The following CDX2 variants were observed in gnomAD, a reference collection of about 807,000 sequenced individuals.
CDX2 encodes the protein caudal type homeobox 2.
Under a neutral mutation model 25.5 loss-of-function variants are expected in CDX2, and 7 were observed. That is an observed-to-expected ratio of 0.27 (90% CI 0.16 to 0.52). The LOEUF (loss-of-function observed/expected upper bound fraction) is 0.52. Ranked by LOEUF, CDX2 falls within the 20% of genes least tolerant of loss-of-function variation. CDX2 has a pLI of 0.97. For missense variants in CDX2, 375 were observed against 431.4 expected (o/e 0.87, Z 1.16); for synonymous variants, 222 against 198.6 (o/e 1.12, Z -0.99).
At chr13:27,966,769 T>C (rs552347923) in intron 1 of CDX2, among the ~76,000 whole-genome samples, 1 of 152,266 alleles carries the variant, frequency 6.6e-6, no homozygotes, top group Admixed American at 6.5e-5. Context: ...GAATTCATTA[T>C]TGACTGCGAA....
rs55820742 is a variant in CDX2 at position 27,964,708 on chromosome 13, TAAAAAAAAAAAA to T, written c.687+150_687+161del. On this transcript the variant is annotated intron_variant, in intron 2 of 2. Coordinates refer to ENST00000381020, the MANE Select transcript of CDX2 (RefSeq NM_001265.6). This position sits in a 1 kb window ranked among gnomAD's most constrained non-coding sequence, Gnocchi z 4.7. ...CACAAAGCAAGACCCCATCTCTGTT[TAAAAAAAAAAAA>T]AAAAAAAAAAAGGACTCCAAAGACG... Among the ~76,000 whole-genome samples the T allele has an allele frequency of 7.1e-5, 9 of 127,088 alleles. No individual in the cohort carries two copies. Among genetic ancestry groups the T allele is most frequent in the African/African-American group, 2.5e-4 (9 of 35,434 alleles). The allele number at this position is 127,088 out of a possible 152,430, so 83.4% of individuals were successfully genotyped here.
Position 27,962,327 on chromosome 13 carries a change from C to G in CDX2, c.*788G>C, listed in dbSNP as rs1177133859. The G allele has an allele frequency of 4.3e-6, 1 of 233,508 alleles. No individual in the cohort carries two copies. The highest frequency in any genetic ancestry group is 8.5e-6 in the Non-Finnish European group (1 of 118,086). 14.5% of individuals were successfully genotyped at this position (233,508 alleles called of 1,614,324 possible). A position where few individuals can be genotyped will look rare whatever the true frequency, so the allele number is the denominator to read the frequency against. ...ACAACAACACAAACTCCCCCCACCC[C>G]CTTCTTCATCAGCCCCAAGATTGTG... On this transcript the variant is annotated 3_prime_UTR_variant, in exon 3 of 3. Coordinates refer to ENST00000381020, the MANE Select transcript of CDX2 (RefSeq NM_001265.6).
rs55820742 is a variant in CDX2 at position 27,964,708 on chromosome 13, TAAAAAAA to T, written c.687+155_687+161del. Among the ~76,000 whole-genome samples the T allele has an allele frequency of 2.4e-5, 3 of 127,084 alleles. No individual in the cohort carries two copies. Among genetic ancestry groups the T allele is most frequent in the Non-Finnish European group, 3.3e-5 (2 of 61,292 alleles). 83.4% of individuals were successfully genotyped at this position (127,084 alleles called of 152,430 possible). ...CACAAAGCAAGACCCCATCTCTGTT[TAAAAAAA>T]AAAAAAAAAAAAAAAAGGACTCCAA... On this transcript the variant is annotated intron_variant, in intron 2 of 2. Coordinates refer to ENST00000381020, the MANE Select transcript of CDX2 (RefSeq NM_001265.6). This position sits in a 1 kb window ranked among gnomAD's most constrained non-coding sequence, Gnocchi z 4.7.
chr13:27,969,020 C>A lies in CDX2; in HGVS notation c.-14G>T. The A allele has an allele frequency of 1.9e-6, 3 of 1,583,748 alleles. No individual in the cohort carries two copies. The highest frequency in any genetic ancestry group is 2.6e-6 in the Non-Finnish European group (3 of 1,169,352). On this transcript the variant is annotated 5_prime_UTR_variant, in exon 1 of 3. It introduces an in-frame stop codon into an upstream open reading frame of the 5' UTR. Coordinates refer to ENST00000381020, the MANE Select transcript of CDX2 (RefSeq NM_001265.6). ...GCTCACGTACATGGTGGCGAGGGTC[C>A]GGGAGCAGACCTCACCATGCTGCCT...
intron 1 of CDX2, chr13:27,967,340 C>G (rs1017281156): frequency 1.3e-5 from 7 of 520,918 alleles, no homozygotes; most frequent in African/African-American, 1.3e-4. Flanking sequence ...ACGCAGAAAC[C>G]GATGCCCAGA....
At chr13:27,965,535 C>A (rs1215274036) in intron 1 of CDX2, among the ~76,000 whole-genome samples, 1 of 152,186 alleles carries the variant, frequency 6.6e-6, no homozygotes, top group Non-Finnish European at 1.5e-5. Flanking sequence ...CCAGAATCAT[C>A]CCCCAGACAC....
chr13:27,967,706 G>A (rs1425256295), intron 1 of CDX2, among the ~76,000 whole-genome samples: 1 of 152,206 alleles, frequency 6.6e-6, no homozygotes, highest in Non-Finnish European at 1.5e-5. Context: ...TGGAGCGGCG[G>A]CTTAATTCCC....
Position 27,963,229 on chromosome 13 carries a change from T to A in CDX2, c.828A>T (p.Arg276Ser). 1.9e-6 allele frequency: 3 copies of A among 1,614,178 alleles called. No individual in the cohort carries two copies. The highest frequency in any genetic ancestry group is 2.5e-6 in the Non-Finnish European group (3 of 1,180,044). ...QPPQPQPGPL[R>S]SVPEPLSPVS... ...CCGGACTCAAGGGCTCTGGGACACT[T>A]CTCAGAGGACCTGGCTGAGGCTGGG... The change falls in exon 3 of 3, where the codon AGA (arginine) becomes AGT (serine). Residue 276 changes from arginine to serine, a missense_variant. Coordinates refer to ENST00000381020, the MANE Select transcript of CDX2 (RefSeq NM_001265.6).
chr13:27,962,999 T>C lies in CDX2; in HGVS notation c.*116A>G. On this transcript the variant is annotated 3_prime_UTR_variant, in exon 3 of 3. Coordinates refer to ENST00000381020, the MANE Select transcript of CDX2 (RefSeq NM_001265.6). ...TCCCATTTTTCCTCTGAGAGCCAGG[T>C]CTGTAGGTCTATGGCTGTGGGTGGG... is the stretch of plus-strand genomic sequence containing the variant. 1 of 1,283,462 alleles carries C rather than the reference T, an allele frequency of 7.8e-7. No individual in the cohort carries two copies. The highest frequency in any genetic ancestry group is 1.0e-6 in the Non-Finnish European group (1 of 980,736). The allele number at this position is 1,283,462 out of a possible 1,614,324, so 79.5% of individuals were successfully genotyped here.
At position 27,968,845 on chromosome 13, in the gene CDX2, G is replaced by C; in HGVS notation, c.162C>G (p.Asn54Lys). 6.3e-7 allele frequency: 1 copy of C among 1,585,794 alleles called. No homozygotes were observed. Among genetic ancestry groups the C allele is most frequent in the Non-Finnish European group, 8.6e-7 (1 of 1,168,548 alleles). ...HVAAAAAAAA[N>K]LDSAQSPGPS... ...GCCCCGGGGACTGCGCGCTGTCCAA[G>C]TTCGCTGCCGCTGCAGCTGCGGCCG... Residue 54 changes from asparagine (N) to lysine (K), a missense_variant, in exon 1 of 3, where the codon AAC (asparagine) becomes AAG (lysine). By Grantham distance (94) the Asn-to-Lys change is moderately conservative (BLOSUM62 0). Around this residue, in one of 3 missense-constraint regions of CDX2, gnomAD observed 253 missense variants for 247.5 expected, o/e 1.02. Transcript: ENST00000381020.
Position 27,968,772 on chromosome 13 carries a change from C to T in CDX2, c.235G>A (p.Gly79Ser). ...YGAPLREDWN[G>S]YAPGGAAAAA... The stretch of plus-strand genomic sequence containing the variant: ...GCCGCGGCGCCTCCGGGCGCGTAGC[C>T]ATTCCAGTCCTCCCGGAGTGGGGCG... The change falls in exon 1 of 3, where the codon GGC (glycine) becomes AGC (serine). Residue 79 changes from glycine to serine, a missense_variant. Physicochemically the swap from Gly to Ser is moderately conservative, Grantham distance 56. This residue lies in a region of CDX2 where 253 missense variants were observed against 247.5 expected (regional missense o/e 1.02). Transcript: ENST00000381020. 1 of 1,510,776 alleles carries T rather than the reference C, an allele frequency of 6.6e-7. No individual in the cohort carries two copies. Among genetic ancestry groups the T allele is most frequent in the Non-Finnish European group, 8.8e-7 (1 of 1,135,076 alleles). The allele number at this position is 1,510,776 out of a possible 1,614,324, so 93.6% of individuals were successfully genotyped here. A position where few individuals can be genotyped will look rare whatever the true frequency, so the allele number is the denominator to read the frequency against.
intron 1 of CDX2, chr13:27,967,130 C>G (rs1178114600): frequency 2.6e-6 from 1 of 382,022 alleles, no homozygotes; most frequent in Non-Finnish European, 5.1e-6. Context: ...GTGCGCCACC[C>G]CCGCCAACCG....
chr13:27,967,804 A>G (rs1869409900), intron 1 of CDX2, among the ~76,000 whole-genome samples: 1 of 152,050 alleles, frequency 6.6e-6, no homozygotes, highest in Non-Finnish European at 1.5e-5. Flanking sequence ...TTTGCTTGAA[A>G]TGACCCCTTC....
At position 27,963,157 on chromosome 13, in the gene CDX2, C is replaced by A. The variant is rs2137534330; in HGVS notation, c.900G>T (p.Leu300=). 1 of 1,614,112 alleles carries A rather than the reference C, an allele frequency of 6.2e-7. No homozygotes were observed. Among genetic ancestry groups the A allele is most frequent in the South Asian group, 1.1e-5 (1 of 91,088 alleles). The part of the protein sequence containing the change: ...ASVPGSVPGV[L]GPTGGVLNPT... Reference sequence around the variant, plus strand: ...GGTTTAGCACCCCCCCAGTTGGCCCCAGAACCCCAGGGACAGAGCCAGGCA... The same window carrying A: ...GGTTTAGCACCCCCCCAGTTGGCCCAAGAACCCCAGGGACAGAGCCAGGCA... The change falls in exon 3 of 3, where the codon CTG becomes CTT. Residue 300 remains leucine (L), a synonymous_variant. Transcript: ENST00000381020.
Position 27,969,104 on chromosome 13 carries a change from G to A in CDX2, c.-98C>T, listed in dbSNP as rs1869507495. 15 of 908,704 alleles carry A rather than the reference G, an allele frequency of 1.7e-5. No individual in the cohort carries two copies. The highest frequency in any genetic ancestry group is 1.7e-5 in the African/African-American group (1 of 57,444). 56.3% of individuals were successfully genotyped at this position (908,704 alleles called of 1,614,324 possible). On this transcript the variant is annotated 5_prime_UTR_variant, in exon 1 of 3. Transcript: ENST00000381020. ...AAGGGAAAGGGGCGAGGGGACTCGA[G>A]GAGCGGCGGGTGGCTGCGCCCCAGC...
intron 1 of CDX2, 24 bp from the exon 2 acceptor site, chr13:27,965,039 G>T (rs901765967): frequency 8.7e-6 from 14 of 1,611,638 alleles, no homozygotes; most frequent in Non-Finnish European, 1.2e-5. Flanking sequence ...AGAAGTGAGG[G>T]CTGAGAACTG....
Position 27,961,044 on chromosome 13 carries a change from C to G in CDX2, c.*2071G>C, listed in dbSNP as rs1869019405. Among the ~76,000 whole-genome samples the G allele has an allele frequency of 6.6e-6, 1 of 152,044 alleles. No individual in the cohort carries two copies. The highest frequency in any genetic ancestry group is 1.5e-5 in the Non-Finnish European group (1 of 67,984). On this transcript the variant is annotated 3_prime_UTR_variant, in exon 3 of 3. Coordinates refer to ENST00000381020, the MANE Select transcript of CDX2 (RefSeq NM_001265.6). ...GACCTGCGGGGCACCGGGGCTCAGA[C>G]CGGCCCTGACCCAGGACCCCTGACC...
chr13:27,964,633 A>G lies in CDX2; in HGVS notation c.687+237T>C, dbSNP rs1472168730. Among the ~76,000 whole-genome samples, 2 of 149,696 alleles carry G rather than the reference A, an allele frequency of 1.3e-5. No homozygotes were observed. Among genetic ancestry groups the G allele is most frequent in the Non-Finnish European group, 3.0e-5 (2 of 67,476 alleles). On this transcript the variant is annotated intron_variant, in intron 2 of 2. Coordinates refer to ENST00000381020, the MANE Select transcript of CDX2 (RefSeq NM_001265.6). This position sits in a 1 kb window ranked among gnomAD's most constrained non-coding sequence, Gnocchi z 4.7. ...GCAGGAGGATCCCTTCAGCTCAGGA[A>G]GTCAGGGCTGCAGTGAGCTATGATT...
rs759248087 is a variant in CDX2 at position 27,968,453 on chromosome 13, A to C, written c.541+13T>G. 4 of 1,520,392 alleles carry C rather than the reference A, an allele frequency of 2.6e-6. No individual in the cohort carries two copies. The highest frequency in any genetic ancestry group is 3.5e-6 in the Non-Finnish European group (4 of 1,148,890). The allele number at this position is 1,520,392 out of a possible 1,614,324, so 94.2% of individuals were successfully genotyped here. A position where few individuals can be genotyped will look rare whatever the true frequency, so the allele number is the denominator to read the frequency against. ...TCCCAAGCACCCTCCGAAGGGGCGCAGCCTCTGCTTACCTTGGCTGCCGAG... is the reference window on the plus strand; with the variant it reads ...TCCCAAGCACCCTCCGAAGGGGCGCCGCCTCTGCTTACCTTGGCTGCCGAG... On this transcript the variant is annotated intron_variant, in intron 1 of 2. Coordinates refer to ENST00000381020, the MANE Select transcript of CDX2 (RefSeq NM_001265.6).
Sources: gnomAD v4.1 joint callset for allele counts (sites outside exome capture counted in the v4.1 genomes callset) on GRCh38, gnomAD v4.1.1 for gene constraint, gnomAD v4.1.1 regional missense constraint, Gnocchi (gnomAD v3.1) non-coding constraint, MANE v1.5 for transcripts, NCBI Gene and HGNC (gene_info 2026-07-23, HGNC 2026-07-21) for gene names.